The following FAN1 variants were observed in gnomAD, a reference collection of about 807,000 sequenced individuals.
FAN1 encodes fanconi-associated nuclease 1.
FAN1 carries 91 observed loss-of-function variants against 104.9 expected under a neutral mutation model. That is an observed-to-expected ratio of 0.87 (90% CI 0.73 to 1.03). The LOEUF is 1.03. FAN1 is among the 50% of genes least tolerant of loss of function. FAN1 has a pLI of 0.00. For synonymous variants in FAN1, 478 were observed against 457.6 expected (o/e 1.04, Z -0.57); for missense variants, 1,263 against 1,239.9 (o/e 1.02, Z -0.28).
chr15:30,918,094 G>T, intron 5 of FAN1, 70 bp from the exon 6 acceptor site: 1 of 1,494,548 alleles, frequency 6.7e-7, no homozygotes, highest in South Asian at 1.2e-5. Flanking sequence ...GTGAGATCTA[G>T]TGGCTAGGAT....
At chr15:30,910,033 C>T (rs537702804) in intron 3 of FAN1, among the ~76,000 whole-genome samples, 7 of 152,342 alleles carry the variant, frequency 4.6e-5, no homozygotes, top group Middle Eastern at 3.4e-3. Flanking sequence ...AGAACATTAC[C>T]AGGCCGACAG....
At chr15:30,926,195 C>T (rs544904871) in intron 10 of FAN1, among the ~76,000 whole-genome samples, 1 of 152,352 alleles carries the variant, frequency 6.6e-6, no homozygotes, top group African/African-American at 2.4e-5. Context: ...AGGTACTGCA[C>T]AAGCCTTTGT....
rs1245244040 is a variant in FAN1, at chr15:30,939,254, C to T, written c.*3+1995C>T. On this transcript the variant is annotated intron_variant, in intron 14 of 14. Coordinates refer to ENST00000362065, the MANE Select transcript of FAN1 (RefSeq NM_014967.5). ...TCCATCATAAAATAACAGCAAGACA[C>T]TGTACACCTTTACGTTCAATACTAG... 4.1e-6 allele frequency: 4 copies of T among 985,362 alleles called. No homozygotes were observed. The African/African-American group carries it at 7.0e-5, about 17-fold the overall frequency. 61.0% of individuals were successfully genotyped at this position (985,362 alleles called of 1,614,324 possible). A position where few individuals can be genotyped will look rare whatever the true frequency, so the allele number is the denominator to read the frequency against.
chr15:30,912,195 G>A (rs976508919), intron 4 of FAN1, among the ~76,000 whole-genome samples: 25 of 152,120 alleles, frequency 1.6e-4, no homozygotes, highest in African/African-American at 6.0e-4. Context: ...GGCTGTTTTA[G>A]TTCTAGTGAA....
rs1278632376 is a variant in FAN1, at chr15:30,925,924, A to G, written c.2473A>G (p.Ser825Gly). The change falls in exon 10 of 15, where the codon AGC becomes GGC. Residue 825 changes from serine (S) to glycine (G), a missense_variant. By Grantham distance (56) the Ser-to-Gly change is moderately conservative. Around this residue, in one of 2 missense-constraint regions of FAN1, gnomAD observed 581 missense variants for 668.8 expected, o/e 0.87. Coordinates refer to ENST00000362065, the MANE Select transcript of FAN1 (RefSeq NM_014967.5). ...GCTGGCACTGGCCCATTACAGACGCAGCGGTTTTGACCAGGGTAACTGAGC... is the reference window on the plus strand; with the variant it reads ...GCTGGCACTGGCCCATTACAGACGCGGCGGTTTTGACCAGGGTAACTGAGC... Reference protein sequence around the residue: ...EELALAHYRRSGFDQGIHGEG... With the variant: ...EELALAHYRRGGFDQGIHGEG... 2 of 1,614,194 alleles carry G rather than the reference A, an allele frequency of 1.2e-6. No homozygotes were observed. Among genetic ancestry groups the G allele is most frequent in the Admixed American group, 1.7e-5 (1 of 60,028 alleles).
At chr15:30,925,460 G>A (rs186429609) in intron 9 of FAN1, among the ~76,000 whole-genome samples, 169 bp downstream of exon 9, 3 of 152,216 alleles carry the variant, frequency 2.0e-5, no homozygotes, top group East Asian at 1.9e-4. Context: ...TCCCCCTAAC[G>A]CCCTCCTCCC....
rs758034599 is a variant in FAN1, at chr15:30,929,233, T to G, written c.2623T>G (p.Phe875Val). 13 of 1,613,438 alleles carry G rather than the reference T, an allele frequency of 8.1e-6. No individual in the cohort carries two copies. The highest frequency in any genetic ancestry group is 1.0e-5 in the Non-Finnish European group (12 of 1,179,766). The change falls in exon 12 of 15, where the codon TTC becomes GTC. Residue 875 changes from phenylalanine to valine, a missense_variant. By Grantham distance (50) the Phe-to-Val change is conservative. Coordinates refer to ENST00000362065, the MANE Select transcript of FAN1 (RefSeq NM_014967.5). ...AFPLDLCTDS[F>V]FTSRRPALEA... ...CCCCCTGGACTTGTGCACAGACAGC[T>G]TCTTCACAAGCAGACGCCCAGCCCT... is the stretch of plus-strand genomic sequence containing the variant.
intron 13 of FAN1, among the ~76,000 whole-genome samples, chr15:30,932,869 T>C (rs2062752711): frequency 6.6e-6 from 1 of 151,358 alleles, no homozygotes; most frequent in Non-Finnish European, 1.5e-5. Context: ...TGCACCACCA[T>C]GCCTGGATAA....
rs1364059973 is a variant in FAN1 at position 30,904,909 on chromosome 15, A to G, written c.246A>G (p.Ser82=). Residue 82 remains serine (S), a synonymous_variant, in exon 2 of 15, where the codon TCA becomes TCG. Coordinates refer to ENST00000362065, the MANE Select transcript of FAN1 (RefSeq NM_014967.5). ...CAGGGCAGGTTGGCTTAATAAATTC[A>G]AATGTGTCTATGGTAGATTTAACCA... The part of the protein sequence containing the change: ...VDPGQVGLIN[S]NVSMVDLTSV... 1 of 1,614,072 alleles carries G rather than the reference A, an allele frequency of 6.2e-7. No individual in the cohort carries two copies. Among genetic ancestry groups the G allele is most frequent in the Admixed American group, 1.7e-5 (1 of 60,026 alleles).
chr15:30,940,417 T>G (rs75814343), intron 14 of FAN1: 3 of 985,280 alleles, frequency 3.0e-6, no homozygotes, highest in African/African-American at 1.7e-5. Context: ...ATTTTTTTAT[T>G]TCTCCTCTAT....
intron 7 of FAN1, 118 bp downstream of exon 7, chr15:30,920,771 A>T (rs2062311360): frequency 3.3e-6 from 2 of 600,970 alleles, no homozygotes; most frequent in East Asian, 6.2e-5. Context: ...CAGTAATATA[A>T]TGGAGGCATA....
At position 30,912,272 on chromosome 15, in the gene FAN1, C is replaced by A. The variant is rs190331265; in HGVS notation, c.1577+1457C>A. On this transcript the variant is annotated intron_variant, in intron 4 of 14. Transcript: ENST00000362065. ...ATGGTAAAGCCCAGCAGTGGAATTT[C>A]AGAGTCCCTGCCAGCCCCACGCTAG... Among the ~76,000 whole-genome samples the A allele has an allele frequency of 3.2e-3, 492 of 152,320 alleles. 2 individuals carry two copies. The highest frequency in any genetic ancestry group is 0.011 in the African/African-American group (453 of 41,568).
rs778869753 is a variant in FAN1, at chr15:30,904,908, C to A, written c.245C>A (p.Ser82Ter). ...VDPGQVGLIN[S>*]NVSMVDLTSV... is the part of the protein sequence containing the mutation. ...CCAGGGCAGGTTGGCTTAATAAATT[C>A]AAATGTGTCTATGGTAGATTTAACC... Residue 82 changes from serine to a stop codon, truncating the protein, a stop_gained, in exon 2 of 15, where the codon TCA becomes TAA. Transcript: ENST00000362065. LOFTEE classifies it high-confidence loss of function. 4 of 1,614,000 alleles carry A rather than the reference C, an allele frequency of 2.5e-6. No homozygotes were observed. The highest frequency in any genetic ancestry group is 2.2e-5 in the South Asian group (2 of 91,082).
chr15:30,913,369 G>A (rs1249915541), intron 4 of FAN1, among the ~76,000 whole-genome samples: 1 of 152,160 alleles, frequency 6.6e-6, no homozygotes, highest in Non-Finnish European at 1.5e-5. Flanking sequence ...TGCCAAAAGC[G>A]TTGACTGCTG....
chr15:30,924,707 C>T (rs1470793866), intron 8 of FAN1, among the ~76,000 whole-genome samples: 1 of 152,150 alleles, frequency 6.6e-6, no homozygotes, highest in African/African-American at 2.4e-5. Flanking sequence ...TGATGTGGCC[C>T]CCATGCGTGG....
At chr15:30,911,012 A>AG in intron 4 of FAN1, 197 bp downstream of exon 4, 3 of 1,280,504 alleles carry the variant, frequency 2.3e-6, no homozygotes, top group Non-Finnish European at 3.0e-6. Flanking sequence ...GTAATACCGT[A>AG]CTAATTTCCA....
intron 10 of FAN1, 200 bp from the exon 11 acceptor site, chr15:30,928,353 G>T (rs991437484): frequency 7.5e-7 from 1 of 1,330,070 alleles, no homozygotes; most frequent in Non-Finnish European, 9.6e-7. Flanking sequence ...TGCCCTTAAG[G>T]CTCTGTATAT....
chr15:30,904,804 C>A lies in FAN1; in HGVS notation c.141C>A (p.Cys47Ter), dbSNP rs144469584. Residue 47 changes from cysteine (C) to a stop codon, truncating the protein, a stop_gained, in exon 2 of 15, where the codon TGC becomes TGA. Coordinates refer to ENST00000362065, the MANE Select transcript of FAN1 (RefSeq NM_014967.5). LOFTEE classifies it high-confidence loss of function. ...CTGCTAAACTTGCCTGCCCCGTTTG[C>A]AGTAAAATGGTGCCTAGATATGACT... is the stretch of plus-strand genomic sequence containing the variant. ...APPAKLACPV[C>*]SKMVPRYDLN... 8.1e-6 allele frequency: 13 copies of A among 1,613,492 alleles called. No individual in the cohort carries two copies. The Admixed American group carries it at 1.5e-4, about 19-fold the overall frequency.
rs1339126145 is a variant in FAN1 at position 30,908,240 on chromosome 15, G to A, written c.1357G>A (p.Ala453Thr). 7 of 1,606,248 alleles carry A rather than the reference G, an allele frequency of 4.4e-6. No individual in the cohort carries two copies. The highest frequency in any genetic ancestry group is 8.5e-7 in the Non-Finnish European group (1 of 1,176,924). Residue 453 changes from alanine (A) to threonine (T), a missense_variant, in exon 3 of 15, where the codon GCA (alanine) becomes ACA (threonine). Around this residue, in one of 2 missense-constraint regions of FAN1, gnomAD observed 682 missense variants for 571.1 expected, o/e 1.19. Transcript: ENST00000362065. ...LTPVIEELTN[A>T]GFLQTESELQ... ...ACCTGTGATTGAAGAATTGACGAAT[G>A]CAGGCTTTCTACAGACAGGTATGAC... is the stretch of plus-strand genomic sequence containing the variant.
Sources: allele counts gnomAD v4.1 joint callset (sites outside exome capture counted in the v4.1 genomes callset), GRCh38; gene constraint gnomAD v4.1.1; regional missense constraint gnomAD v4.1.1; transcripts MANE v1.5; gene names NCBI Gene and HGNC (gene_info 2026-07-23, HGNC 2026-07-21).